Variants in CTBS observed in about 807,000 individuals in gnomAD.
The protein encoded by CTBS is di-N-acetylchitobiase.
Under a neutral mutation model 44.3 loss-of-function variants are expected in CTBS, and 35 were observed. The ratio of observed to expected loss-of-function variants is 0.79; its 90% CI spans 0.60 to 1.05. The LOEUF is 1.05. CTBS is among the 50% of genes least tolerant of loss of function. The probability of loss-of-function intolerance (pLI) is 0.00; values close to 1 mark genes in which losing one functional copy is unlikely to be tolerated. For missense variants in CTBS, 458 were observed against 475.3 expected (o/e 0.96, Z 0.34); for synonymous variants, 143 against 168.0 (o/e 0.85, Z 1.15).
At chr1:84,559,817 G>A (rs1684552533) in intron 6 of CTBS, among the ~76,000 whole-genome samples, 1 of 152,100 alleles carries the variant, frequency 6.6e-6, no homozygotes. Flanking sequence ...AGGTGCAGTG[G>A]CCCATGCGTG....
At chr1:84,574,125 A>G in intron 1 of CTBS, 114 bp downstream of exon 1, 1 of 1,511,648 alleles carries the variant, frequency 6.6e-7, no homozygotes, top group Non-Finnish European at 8.9e-7. Context: ...GCCCTCATCG[A>G]GTGGTCAAAG....
intron 3 of CTBS, 31 bp downstream of exon 3, chr1:84,569,900 T>A (rs758926196): frequency 6.5e-7 from 1 of 1,547,618 alleles, no homozygotes; most frequent in Non-Finnish European, 8.9e-7. Context: ...ATGGAAAATA[T>A]GAGGTTTCCA....
intron 4 of CTBS, among the ~76,000 whole-genome samples, chr1:84,564,505 T>A (rs924382318): frequency 2.6e-5 from 4 of 152,198 alleles, no homozygotes; most frequent in African/African-American, 9.6e-5. Flanking sequence ...GGGTGGGGTA[T>A]GTATCAGTTC....
At position 84,552,478 on chromosome 1, in the gene CTBS, G is replaced by A. The variant is rs1684304057; in HGVS notation, c.*2521C>T. 6.6e-6 allele frequency: 1 copy of A among 151,900 alleles called. No homozygotes were observed. Among genetic ancestry groups the A allele is most frequent in the Admixed American group, 6.6e-5 (1 of 15,236 alleles). 9.4% of individuals were successfully genotyped at this position (151,900 alleles called of 1,614,324 possible). A position where few individuals can be genotyped will look rare whatever the true frequency, so the allele number is the denominator to read the frequency against. ...TTCACTTACTAGTTTTTTATCTTGA[G>A]CAAGTTACTTAGCCTCTAAAGGTCT... On this transcript the variant is annotated 3_prime_UTR_variant, in exon 7 of 7. Coordinates refer to ENST00000370630, the MANE Select transcript of CTBS (RefSeq NM_004388.3).
Position 84,550,520 on chromosome 1 carries a change from T to A in CTBS, c.*4479A>T. ...GATACTGACAAAATGAAACTCATAG[T>A]AGAAGTTAAGGTAATTTACATTTTT... On this transcript the variant is annotated 3_prime_UTR_variant, in exon 7 of 7. Transcript: ENST00000370630. The A allele has an allele frequency of 6.5e-7, 1 of 1,540,896 alleles. No individual in the cohort carries two copies. The highest frequency in any genetic ancestry group is 8.8e-7 in the Non-Finnish European group (1 of 1,141,094).
At chr1:84,566,142 T>C (rs1462685658) in intron 3 of CTBS, 130 bp from the exon 4 acceptor site, 2 of 451,832 alleles carry the variant, frequency 4.4e-6, no homozygotes, top group Non-Finnish European at 7.2e-6. Flanking sequence ...TATATGAATG[T>C]AGGGTTTGAC....
intron 6 of CTBS, among the ~76,000 whole-genome samples, chr1:84,558,313 G>A (rs1022798336): frequency 6.7e-6 from 1 of 148,968 alleles, no homozygotes; most frequent in African/African-American, 2.5e-5. Flanking sequence ...TTTTTGAGAC[G>A]GAGTCTCGCT....
At chr1:84,562,901 G>A (rs146136356) in intron 6 of CTBS, among the ~76,000 whole-genome samples, 8 of 152,224 alleles carry the variant, frequency 5.3e-5, no homozygotes, top group African/African-American at 1.9e-4. Flanking sequence ...TGAAATGGAG[G>A]CTTTCAGAGA....
intron 6 of CTBS, among the ~76,000 whole-genome samples, chr1:84,559,818 C>T (rs561971103): frequency 1.3e-5 from 2 of 152,218 alleles, no homozygotes; most frequent in African/African-American, 4.8e-5. Flanking sequence ...GGTGCAGTGG[C>T]CCATGCGTGT....
chr1:84,554,976 C>CT lies in CTBS; in HGVS notation c.*22dup. The CT allele has an allele frequency of 6.3e-7, 1 of 1,596,892 alleles. No homozygotes were observed. Among genetic ancestry groups the CT allele is most frequent in the Non-Finnish European group, 8.6e-7 (1 of 1,165,720 alleles). On this transcript the variant is annotated 3_prime_UTR_variant, in exon 7 of 7. Transcript: ENST00000370630. ...GTTGATACAGATCATCTTTCTAACT[C>CT]TTAATGGTTTGACAAAAGATGTTCA... is the stretch of plus-strand genomic sequence containing the variant.
rs569553216 is a variant in CTBS at position 84,551,871 on chromosome 1, G to A, written c.*3128C>T. On this transcript the variant is annotated 3_prime_UTR_variant, in exon 7 of 7. Coordinates refer to ENST00000370630, the MANE Select transcript of CTBS (RefSeq NM_004388.3). Reference sequence around the variant, plus strand: ...AAGGAGTAATAAAAATGCCCCCAGAGGCTTGGATTATGACTCCCCTCATGC... The same window carrying A: ...AAGGAGTAATAAAAATGCCCCCAGAAGCTTGGATTATGACTCCCCTCATGC... 2.0e-5 allele frequency: 3 copies of A among 152,172 alleles called. No individual in the cohort carries two copies. Among genetic ancestry groups the A allele is most frequent in the African/African-American group, 7.2e-5 (3 of 41,542 alleles). 9.4% of individuals were successfully genotyped at this position (152,172 alleles called of 1,614,324 possible). A position where few individuals can be genotyped will look rare whatever the true frequency, so the allele number is the denominator to read the frequency against.
At chr1:84,568,000 C>CATATGTGTGTA (rs1360685722) in intron 3 of CTBS, among the ~76,000 whole-genome samples, 24 of 152,132 alleles carry the variant, frequency 1.6e-4, no homozygotes, top group African/African-American at 5.8e-4. Context: ...CTATTTTACA[C>CATATGTGTGTA]ACATAACCCA....
At chr1:84,564,043 T>C (rs1570472179) in intron 4 of CTBS, 1 of 176,552 alleles carries the variant, frequency 5.7e-6, no homozygotes, top group Non-Finnish European at 1.1e-5. Context: ...GGAGAAAACA[T>C]TCAAAACAAT....
intron 1 of CTBS, among the ~76,000 whole-genome samples, chr1:84,571,397 G>A (rs956647777): frequency 1.3e-5 from 2 of 152,176 alleles, no homozygotes; most frequent in Non-Finnish European, 2.9e-5. Flanking sequence ...TAATACTCAA[G>A]TTTCTGGCTA....
rs979215231 is a variant in CTBS at position 84,551,224 on chromosome 1, C to G, written c.*3775G>C. 19 of 984,904 alleles carry G rather than the reference C, an allele frequency of 1.9e-5. No individual in the cohort carries two copies. The highest frequency in any genetic ancestry group is 2.2e-5 in the Non-Finnish European group (18 of 829,728). 61.0% of individuals were successfully genotyped at this position (984,904 alleles called of 1,614,324 possible). Reference sequence around the variant, plus strand: ...CCACAGCAAGGCAGGAAAATGAGAACGATAATTATATGAATGCTCTCATTT... The same window carrying G: ...CCACAGCAAGGCAGGAAAATGAGAAGGATAATTATATGAATGCTCTCATTT... On this transcript the variant is annotated 3_prime_UTR_variant, in exon 7 of 7. Transcript: ENST00000370630.
At chr1:84,567,726 C>A (rs1207561745) in intron 3 of CTBS, among the ~76,000 whole-genome samples, 1 of 151,996 alleles carries the variant, frequency 6.6e-6, no homozygotes, top group African/African-American at 2.4e-5. Context: ...AACCTTGGGG[C>A]CATTTTCTGA....
At position 84,574,305 on chromosome 1, in the gene CTBS, G is replaced by A. The variant is rs532421838; in HGVS notation, c.111C>T (p.Ala37=). 59 of 1,558,914 alleles carry A rather than the reference G, an allele frequency of 3.8e-5. No homozygotes were observed. In the African/African-American group the frequency reaches 6.9e-4, roughly 18 times the overall value. Residue 37 remains alanine, a synonymous_variant, in exon 1 of 7, where the codon GCC becomes GCT. Coordinates refer to ENST00000370630, the MANE Select transcript of CTBS (RefSeq NM_004388.3). The part of the protein sequence containing the change: ...LLALLALRLA[A]GTDCPCPEPE... ...GCTCCGGGCATGGGCAGTCGGTCCC[G>A]GCCGCGAGCCGCAGCGCCAGCAGCG...
At position 84,569,976 on chromosome 1, in the gene CTBS, G is replaced by C. The variant is rs1426594157; in HGVS notation, c.480C>G (p.Val160=). 2 of 1,612,604 alleles carry C rather than the reference G, an allele frequency of 1.2e-6. No homozygotes were observed. Among genetic ancestry groups the C allele is most frequent in the Non-Finnish European group, 1.7e-6 (2 of 1,179,720 alleles). ...SPEYDALTAL[V]KETTDSFHRE... is the part of the protein sequence containing the mutation. ...GATGGAAAGAGTCTGTAGTTTCTTT[G>C]ACTAAAGCAGTTAATGCATCATATT... is the stretch of plus-strand genomic sequence containing the variant. Residue 160 remains valine, a synonymous_variant, in exon 3 of 7, where the codon GTC becomes GTG. Coordinates refer to ENST00000370630, the MANE Select transcript of CTBS (RefSeq NM_004388.3).
chr1:84,572,534 G>C (rs1647343421), intron 1 of CTBS, among the ~76,000 whole-genome samples: 1 of 151,480 alleles, frequency 6.6e-6, no homozygotes, highest in African/African-American at 2.4e-5. Flanking sequence ...AACGCCAGTA[G>C]AGAAAAAGAC....
Sources: gnomAD v4.1 joint callset for allele counts (sites outside exome capture counted in the v4.1 genomes callset) on GRCh38, gnomAD v4.1.1 for gene constraint, MANE v1.5 for transcripts, NCBI Gene and HGNC (gene_info 2026-07-23, HGNC 2026-07-21) for gene names.